EMILIN2: variants seen among roughly 807,000 people sequenced by gnomAD.
EMILIN2 encodes elastin microfibril interfacer 2.
A neutral mutation model predicts 87.1 loss-of-function variants in EMILIN2; 71 were observed. The ratio of observed to expected loss-of-function variants is 0.82; its 90% CI spans 0.67 to 0.99. The LOEUF is 0.99. Among genes scored for constraint, EMILIN2 ranks in the 50% least tolerant of loss-of-function variants. The pLI is 0.00. For missense variants in EMILIN2, 1,407 were observed against 1,371.8 expected (o/e 1.03, Z -0.40); for synonymous variants, 581 against 563.4 (o/e 1.03, Z -0.44).
rs1213512361 is a variant in EMILIN2 at position 2,913,099 on chromosome 18, C to G, written c.2857C>G (p.Leu953Val). The G allele has an allele frequency of 6.2e-7, 1 of 1,611,964 alleles. No homozygotes were observed. Among genetic ancestry groups the G allele is most frequent in the African/African-American group, 1.3e-5 (1 of 74,914 alleles). The change falls in exon 8 of 8, where the codon CTG becomes GTG. Residue 953 changes from leucine (L) to valine (V), a missense_variant. Leu to Val is a conservative substitution (Grantham distance 32). Transcript: ENST00000254528. ...CACGGCTCCTTATGATGGGCGCTAC[C>G]TGATCACGGCCACCCTCACCCCCGA... ...VFTAPYDGRY[L>V]ITATLTPERD...
chr18:2,852,163 C>T (rs1174379170), intron 2 of EMILIN2, among the ~76,000 whole-genome samples: 5 of 152,200 alleles, frequency 3.3e-5, no homozygotes, highest in African/African-American at 9.7e-5. Flanking sequence ...TGCATTCGCG[C>T]GTGTGCATGC....
Position 2,847,949 on chromosome 18 carries a change from G to A in EMILIN2, c.257+18G>A, listed in dbSNP as rs1284427185. 1 of 1,601,368 alleles carries A rather than the reference G, an allele frequency of 6.2e-7. No individual in the cohort carries two copies. The highest frequency in any genetic ancestry group is 2.2e-5 in the East Asian group (1 of 44,508). On this transcript the variant is annotated intron_variant, in intron 2 of 7. Coordinates refer to ENST00000254528, the MANE Select transcript of EMILIN2 (RefSeq NM_032048.3). The surrounding 1 kb of genome is among the most constrained non-coding windows in gnomAD (Gnocchi z 4.5). ...GCGCTGGTGTAAGTCCTGGAGCCGG[G>A]GAGCGGGCGGGGCGCGCCCGGGCCG... is the stretch of plus-strand genomic sequence containing the variant.
chr18:2,901,892 C>G (rs2076889547), intron 4 of EMILIN2, among the ~76,000 whole-genome samples: 1 of 152,194 alleles, frequency 6.6e-6, no homozygotes, highest in South Asian at 2.1e-4. Flanking sequence ...TGAGACGTCG[C>G]TTTTTCATGA....
chr18:2,855,844 T>G (rs960170349), intron 2 of EMILIN2, among the ~76,000 whole-genome samples: 1 of 152,184 alleles, frequency 6.6e-6, no homozygotes, highest in African/African-American at 2.4e-5. Flanking sequence ...TTTTAAAAAT[T>G]GCGCTGTCAC....
intron 2 of EMILIN2, among the ~76,000 whole-genome samples, chr18:2,868,622 C>T (rs899583242): frequency 8.5e-5 from 13 of 152,366 alleles, no homozygotes; most frequent in Middle Eastern, 3.4e-3. Flanking sequence ...AGCGAAACCC[C>T]GTCTCCACCA....
intron 5 of EMILIN2, 42 bp downstream of exon 5, chr18:2,907,127 CG>C (rs1038725804): frequency 4.1e-6 from 5 of 1,228,918 alleles, no homozygotes; most frequent in Non-Finnish European, 4.1e-6. Flanking sequence ...GGGGCTCTCC[CG>C]GAACTTCCGC....
At chr18:2,892,533 GCAA>G (rs1249524411) in intron 4 of EMILIN2, 47 bp downstream of exon 4, 11 of 1,512,332 alleles carry the variant, frequency 7.3e-6, no homozygotes, top group Admixed American at 4.4e-5. Context: ...TTTGCAGCAC[GCAA>G]CAACATTTTA....
chr18:2,858,601 A>ATATATATATATATG (rs745894577), intron 2 of EMILIN2, among the ~76,000 whole-genome samples: 1 of 103,622 alleles, frequency 9.7e-6, no homozygotes, highest in Non-Finnish European at 1.8e-5. Flanking sequence ...ATATATATAT[A>ATATATATATATATG]TGTGTATATA....
In EMILIN2 at chr18:2,913,316, C is replaced by T. The variant is rs2076951490; in HGVS notation, c.3074C>T (p.Thr1025Ile). 2 of 1,612,978 alleles carry T rather than the reference C, an allele frequency of 1.2e-6. No individual in the cohort carries two copies. Among genetic ancestry groups the T allele is most frequent in the African/African-American group, 2.7e-5 (2 of 74,912 alleles). ...KAGDAVNVVV[T>I]GGKLAHTDFD... is the part of the protein sequence containing the mutation. The stretch of plus-strand genomic sequence containing the variant: ...GGAGATGCAGTCAACGTCGTGGTGA[C>T]TGGGGGCAAGCTGGCTCACACAGAC... Residue 1025 changes from threonine (T) to isoleucine (I), a missense_variant, in exon 8 of 8, where the codon ACT (threonine) becomes ATT (isoleucine). Transcript: ENST00000254528.
At chr18:2,856,177 C>A in intron 2 of EMILIN2, among the ~76,000 whole-genome samples, 1 of 152,080 alleles carries the variant, frequency 6.6e-6, no homozygotes, top group South Asian at 2.1e-4. Flanking sequence ...GAGTTTGAAT[C>A]CAGCCTGGGC....
chr18:2,902,044 A>G (rs769575249), intron 4 of EMILIN2, among the ~76,000 whole-genome samples: 24 of 152,228 alleles, frequency 1.6e-4, no homozygotes, highest in Non-Finnish European at 3.1e-4. Flanking sequence ...GCCTTCCACT[A>G]GTGTAACAAG....
chr18:2,893,465 C>T (rs953894018), intron 4 of EMILIN2, among the ~76,000 whole-genome samples: 2 of 152,180 alleles, frequency 1.3e-5, no homozygotes, highest in African/African-American at 4.8e-5. Flanking sequence ...AGCAGTAGTG[C>T]TGAGAGCAAT....
At chr18:2,886,800 T>C (rs1366091562) in intron 3 of EMILIN2, among the ~76,000 whole-genome samples, 1 of 152,232 alleles carries the variant, frequency 6.6e-6, no homozygotes, top group Non-Finnish European at 1.5e-5. Flanking sequence ...TTTATTGCTA[T>C]TTCAACCCAA....
intron 2 of EMILIN2, among the ~76,000 whole-genome samples, chr18:2,874,743 A>G (rs1217120829): frequency 6.6e-6 from 1 of 152,166 alleles, no homozygotes; most frequent in African/African-American, 2.4e-5. Context: ...GAACAGAAAT[A>G]TAAGTGTTCC....
rs997877159 is a variant in EMILIN2 at position 2,915,029 on chromosome 18, CCT to C, written c.*1629_*1630del. On this transcript the variant is annotated 3_prime_UTR_variant, in exon 8 of 8. Coordinates refer to ENST00000254528, the MANE Select transcript of EMILIN2 (RefSeq NM_032048.3). ...AAACCCAGTGGGCACGCGCCATCGC[CCT>C]CTCCTCTCCTCTCACGCTCCTTTTG... 3.3e-5 allele frequency: 5 copies of C among 152,194 alleles called. No individual in the cohort carries two copies. Among genetic ancestry groups the C allele is most frequent in the African/African-American group, 1.2e-4 (5 of 41,412 alleles). The allele number at this position is 152,194 out of a possible 1,614,324, so 9.4% of individuals were successfully genotyped here.
chr18:2,858,517 T>A, intron 2 of EMILIN2, among the ~76,000 whole-genome samples: 1 of 93,268 alleles, frequency 1.1e-5, no homozygotes, highest in African/African-American at 4.5e-5. Flanking sequence ...TGAGTAGTAT[T>A]CCATCATATA....
intron 2 of EMILIN2, among the ~76,000 whole-genome samples, chr18:2,875,979 AT>A (rs67505946): frequency 0.34 from 42,731 of 126,332 alleles, 6,803 homozygotes; most frequent in East Asian, 0.64. Context: ...AGGATTTTAG[AT>A]TTTTTTTTTT....
At chr18:2,883,364 T>C (rs373236934) in intron 2 of EMILIN2, among the ~76,000 whole-genome samples, 83 of 152,298 alleles carry the variant, frequency 5.4e-4, no homozygotes, top group South Asian at 5.2e-3. Context: ...CCTCCCCCCA[T>C]GGGCAGCTCT....
At chr18:2,854,775 C>CA (rs1165710752) in intron 2 of EMILIN2, among the ~76,000 whole-genome samples, 2 of 152,046 alleles carry the variant, frequency 1.3e-5, no homozygotes, top group Non-Finnish European at 2.9e-5. Context: ...GCGTGGATGA[C>CA]AGAGTCAAAA....
Sources: allele counts gnomAD v4.1 joint callset (sites outside exome capture counted in the v4.1 genomes callset), GRCh38; gene constraint gnomAD v4.1.1; non-coding constraint Gnocchi (gnomAD v3.1); transcripts MANE v1.5; gene names NCBI Gene and HGNC (gene_info 2026-07-23, HGNC 2026-07-21).